IL19: variants seen among roughly 807,000 people sequenced by gnomAD.
The protein encoded by IL19 is interleukin 19, also known as interleukin-19.
Under a neutral mutation model 19.5 loss-of-function variants are expected in IL19, and 15 were observed. The ratio of observed to expected loss-of-function variants is 0.77; its 90% confidence interval spans 0.52 to 1.19. IL19 has a LOEUF of 1.19. Ranked by LOEUF, IL19 falls within the 50% of genes most tolerant of loss-of-function variation. IL19 has a pLI of 0.00. For synonymous variants in IL19, 78 were observed against 78.3 expected (o/e 1.00, Z 0.02); for missense variants, 199 against 213.1 (o/e 0.93, Z 0.41).
intron 2 of IL19, among the ~76,000 whole-genome samples, chr1:206,823,121 G>A (rs998709552): frequency 6.6e-6 from 1 of 151,786 alleles, no homozygotes; most frequent in African/African-American, 2.4e-5. Context: ...GTAGAGACGG[G>A]GTTTCTCCAT....
At chr1:206,821,113 C>T (rs1676279052) in intron 2 of IL19, among the ~76,000 whole-genome samples, 1 of 152,240 alleles carries the variant, frequency 6.6e-6, no homozygotes, top group Admixed American at 6.5e-5. Flanking sequence ...ATGAGATCCT[C>T]AGCTCTTCAG....
At chr1:206,785,053 C>T (rs1415665677) in intron 1 of IL19, among the ~76,000 whole-genome samples, 1 of 152,138 alleles carries the variant, frequency 6.6e-6, no homozygotes, top group East Asian at 1.9e-4. Context: ...ATTAAAGTCC[C>T]CCAATGCCTC....
chr1:206,834,415 G>C, intron 2 of IL19: 1 of 985,666 alleles, frequency 1.0e-6, no homozygotes. Flanking sequence ...GGCTCACGCT[G>C]TCCGTCATCA....
chr1:206,775,864 G>C (rs1414880416), intron 1 of IL19, among the ~76,000 whole-genome samples: 1 of 152,206 alleles, frequency 6.6e-6, no homozygotes, highest in Non-Finnish European at 1.5e-5. Flanking sequence ...TAGAATGTCA[G>C]CCTGGGCACA....
At chr1:206,773,891 T>A (rs1674926986) in intron 1 of IL19, among the ~76,000 whole-genome samples, 1 of 152,168 alleles carries the variant, frequency 6.6e-6, no homozygotes, top group Admixed American at 6.5e-5. Context: ...AAATCACTCA[T>A]CCTCCCTGTG....
intron 1 of IL19, among the ~76,000 whole-genome samples, chr1:206,771,795 G>A (rs941400857): frequency 6.6e-6 from 1 of 152,218 alleles, no homozygotes. Flanking sequence ...TAGACATCCA[G>A]TTTAGCTTGG....
chr1:206,841,076 C>G lies in IL19; in HGVS notation c.436C>G (p.Gln146Glu). ...ATRVIHDNYD[Q>E]LEVHAAAIKS... ...CAGAGTCATCCATGACAACTATGATCAGGTAAGATCTGGGAAGAGGTTGGG... is the reference window on the plus strand; with the variant it reads ...CAGAGTCATCCATGACAACTATGATGAGGTAAGATCTGGGAAGAGGTTGGG... The change falls in exon 6 of 7, where the codon CAG becomes GAG. Residue 146 changes from glutamine to glutamate, a missense_variant and splice_region_variant. Transcript: ENST00000659997. 1 of 1,613,282 alleles carries G rather than the reference C, an allele frequency of 6.2e-7. No individual in the cohort carries two copies. Among genetic ancestry groups the G allele is most frequent in the Non-Finnish European group, 8.5e-7 (1 of 1,179,226 alleles).
rs561979189 is a variant in IL19 at position 206,800,106 on chromosome 1, A to G, written c.-3+1100A>G. 2.0e-5 allele frequency among the ~76,000 whole-genome samples: 3 copies of G among 152,322 alleles called. No homozygotes were observed. In the East Asian group the frequency reaches 5.8e-4, roughly 29 times the overall value. The stretch of plus-strand genomic sequence containing the variant: ...TTGGCCAAGTGTTTCATTTCACTGA[A>G]TTGTCCAGGCTTGATTAAATGCAAT... On this transcript the variant is annotated intron_variant, in intron 2 of 6. Transcript: ENST00000659997.
chr1:206,800,515 T>A (rs1330316059), intron 2 of IL19, among the ~76,000 whole-genome samples: 1 of 150,912 alleles, frequency 6.6e-6, no homozygotes, highest in Non-Finnish European at 1.5e-5. Flanking sequence ...TCAAGGGAGG[T>A]TTTGCTAAGA....
chr1:206,775,773 AG>A (rs1222788188), intron 1 of IL19, among the ~76,000 whole-genome samples: 2 of 152,182 alleles, frequency 1.3e-5, no homozygotes, highest in Non-Finnish European at 2.9e-5. Flanking sequence ...CTCACATGTG[AG>A]GAGATTTGGG....
chr1:206,771,410 C>A (rs1457100580), intron 1 of IL19: 1 of 1,608,520 alleles, frequency 6.2e-7, no homozygotes, highest in East Asian at 2.2e-5. Context: ...GCTGATCCTT[C>A]ATTTGCTGCA....
At chr1:206,800,817 T>C (rs1400914854) in intron 2 of IL19, among the ~76,000 whole-genome samples, 1 of 152,136 alleles carries the variant, frequency 6.6e-6, no homozygotes, top group Non-Finnish European at 1.5e-5. Flanking sequence ...GTGTGTTAAG[T>C]CCGGGAGGCA....
At chr1:206,821,571 TG>T (rs1242546065) in intron 2 of IL19, among the ~76,000 whole-genome samples, 1 of 152,236 alleles carries the variant, frequency 6.6e-6, no homozygotes, top group Non-Finnish European at 1.5e-5. Context: ...AGAGAAAGTG[TG>T]TTCAAGACTA....
At chr1:206,822,786 C>T (rs1331995679) in intron 2 of IL19, among the ~76,000 whole-genome samples, 2 of 152,088 alleles carry the variant, frequency 1.3e-5, no homozygotes, top group East Asian at 1.9e-4. Context: ...GCTTCGGTGT[C>T]CCCCAAACCT....
intron 1 of IL19, among the ~76,000 whole-genome samples, chr1:206,786,699 A>G (rs1359471314): frequency 6.6e-6 from 1 of 152,110 alleles, no homozygotes; most frequent in Non-Finnish European, 1.5e-5. Flanking sequence ...CACTGTAACC[A>G]AGGTGCGGGC....
intron 1 of IL19, among the ~76,000 whole-genome samples, chr1:206,773,586 TTG>T (rs2234662): frequency 0.35 from 45,721 of 131,338 alleles, 7,550 homozygotes; most frequent in East Asian, 0.46. Flanking sequence ...TGTCTTGGAT[TTG>T]TGTGTGTGTG....
chr1:206,805,111 G>T (rs530604013), intron 2 of IL19, among the ~76,000 whole-genome samples: 3 of 152,330 alleles, frequency 2.0e-5, no homozygotes, highest in African/African-American at 7.2e-5. Flanking sequence ...TATTAGTCAT[G>T]TATGTGTTTC....
chr1:206,806,243 T>C (rs760146902), intron 2 of IL19, among the ~76,000 whole-genome samples: 2 of 152,190 alleles, frequency 1.3e-5, no homozygotes, highest in Non-Finnish European at 2.9e-5. Context: ...TAGAGTCATA[T>C]GGACTGCAAA....
chr1:206,794,393 C>T (rs1179118898), intron 1 of IL19, among the ~76,000 whole-genome samples: 1 of 152,132 alleles, frequency 6.6e-6, no homozygotes, highest in African/African-American at 2.4e-5. Context: ...GTCACCTGTT[C>T]CATGACTCCT....
Sources: allele counts gnomAD v4.1 joint callset (sites outside exome capture counted in the v4.1 genomes callset), GRCh38; gene constraint gnomAD v4.1.1; transcripts MANE v1.5; gene names NCBI Gene and HGNC (gene_info 2026-07-23, HGNC 2026-07-21).